Variants in KLF17 observed in about 807,000 individuals in gnomAD.
KLF17 encodes the protein Krueppel-like factor 17.
Under a neutral mutation model 34.2 loss-of-function variants are expected in KLF17, and 31 were observed. The ratio of observed to expected loss-of-function variants is 0.91; its 90% CI spans 0.68 to 1.22. The LOEUF (loss-of-function observed/expected upper bound fraction) is 1.22, where lower values mean the gene tolerates loss of function less well. Ranked by LOEUF, KLF17 falls within the 50% of genes most tolerant of loss-of-function variation. The probability of loss-of-function intolerance (pLI) is 0.00; values close to 1 mark genes in which losing one functional copy is unlikely to be tolerated. For synonymous variants in KLF17, 179 were observed against 186.7 expected (o/e 0.96, Z 0.34); for missense variants, 478 against 505.2 (o/e 0.95, Z 0.52).
At chr1:44,077,281 G>T in the KLF17 span, among the ~76,000 whole-genome samples, 2 of 151,936 alleles carry the variant, frequency 1.3e-5, no homozygotes, top group African/African-American at 4.8e-5. Context: ...AGAGGCGGAG[G>T]TTGCAGTGAG....
the KLF17 span, among the ~76,000 whole-genome samples, chr1:44,097,356 T>C: frequency 3.3e-5 from 5 of 152,326 alleles, no homozygotes; most frequent in South Asian, 8.3e-4. Flanking sequence ...GGGCTCTTTT[T>C]TGGTTCCATA....
Position 44,130,661 on chromosome 1 carries a change from A to C in KLF17, c.1075A>C (p.Lys359Gln), listed in dbSNP as rs772796419. The change falls in exon 3 of 4, where the codon AAG becomes CAG. Residue 359 changes from lysine to glutamine, a missense_variant. Lys to Gln is a moderately conservative substitution (Grantham distance 53). Coordinates refer to ENST00000372299, the MANE Select transcript of KLF17 (RefSeq NM_173484.4). ...GGAGTTCATGAGGTCTGACCATCTC[A>C]AGCAACACCAGAAGACTCATCGGCC... The part of the protein sequence containing the change: ...SREFMRSDHL[K>Q]QHQKTHRPGP... 5 of 1,613,794 alleles carry C rather than the reference A, an allele frequency of 3.1e-6. No homozygotes were observed. The highest frequency in any genetic ancestry group is 1.3e-5 in the African/African-American group (1 of 74,912).
the KLF17 span, among the ~76,000 whole-genome samples, chr1:44,082,939 CTTTTT>C: frequency 2.3e-5 from 3 of 129,646 alleles, no homozygotes; most frequent in Non-Finnish European, 1.6e-5. Flanking sequence ...TGTCTTTAAA[CTTTTT>C]TTTTTTTTTT....
At chr1:44,046,528 T>TACACAC in the KLF17 span, among the ~76,000 whole-genome samples, 27 of 85,124 alleles carry the variant, frequency 3.2e-4, 1 homozygote, top group Middle Eastern at 9.0e-3. Context: ...ACCTAAGCAC[T>TACACAC]ACACACACAC....
chr1:44,105,835 A>G, the KLF17 span, among the ~76,000 whole-genome samples: 1 of 152,212 alleles, frequency 6.6e-6, no homozygotes, highest in East Asian at 1.9e-4. Context: ...ACGGAACCCC[A>G]CTTTGGCCAG....
the KLF17 span, chr1:44,076,121 A>T: frequency 6.6e-6 from 1 of 152,218 alleles, no homozygotes; most frequent in African/African-American, 2.4e-5. Context: ...ACCTGTCTAC[A>T]TTCAGATTTA....
the KLF17 span, among the ~76,000 whole-genome samples, chr1:44,111,397 T>C: frequency 6.6e-6 from 1 of 152,028 alleles, no homozygotes; most frequent in Non-Finnish European, 1.5e-5. Flanking sequence ...AAACAATTTC[T>C]ACTATTTTGC....
At chr1:44,059,397 AC>A in the KLF17 span, among the ~76,000 whole-genome samples, 1 of 152,208 alleles carries the variant, frequency 6.6e-6, no homozygotes, top group East Asian at 1.9e-4. Flanking sequence ...TTTCCTCATT[AC>A]CCTGATCCAG....
upstream of KLF17, chr1:44,115,631 T>C (rs756072614): frequency 6.6e-6 from 1 of 152,166 alleles, no homozygotes; most frequent in Non-Finnish European, 1.5e-5. Context: ...CCTTTATACT[T>C]GTTAATGGTT....
chr1:44,113,325 T>G, the KLF17 span, among the ~76,000 whole-genome samples: 3 of 152,146 alleles, frequency 2.0e-5, no homozygotes, highest in Non-Finnish European at 4.4e-5. Context: ...CAGAACAGAA[T>G]GTACATATGT....
the KLF17 span, among the ~76,000 whole-genome samples, chr1:44,047,181 A>C: frequency 1.3e-5 from 2 of 152,226 alleles, no homozygotes; most frequent in African/African-American, 4.8e-5. Context: ...AAGAAGAAGT[A>C]ATGTTGTATT....
chr1:44,118,516 G>A (rs947305384), upstream of KLF17, among the ~76,000 whole-genome samples: 3 of 152,232 alleles, frequency 2.0e-5, no homozygotes, highest in Admixed American at 2.0e-4. Context: ...CTCCAGCCTC[G>A]CCTCTCTCTC....
chr1:44,113,783 C>G, the KLF17 span: 2 of 152,196 alleles, frequency 1.3e-5, no homozygotes, highest in African/African-American at 4.8e-5. Context: ...TGTTATAATG[C>G]CTGGTGCTTG....
chr1:44,091,924 A>T, the KLF17 span, among the ~76,000 whole-genome samples: 1 of 146,752 alleles, frequency 6.8e-6, no homozygotes, highest in Non-Finnish European at 1.5e-5. Flanking sequence ...AAAAAAAAAA[A>T]AAACCCAAAA....
chr1:44,092,129 G>T, the KLF17 span, among the ~76,000 whole-genome samples: 2 of 151,518 alleles, frequency 1.3e-5, no homozygotes, highest in South Asian at 2.1e-4. Context: ...GATCACCTGA[G>T]GTCGGGGGTT....
chr1:44,118,797 A>T, upstream of KLF17: 1 of 785,030 alleles, frequency 1.3e-6, no homozygotes. Context: ...AGCTGTAAAT[A>T]GGTAAATAGA....
the KLF17 span, among the ~76,000 whole-genome samples, chr1:44,110,033 A>G: frequency 4.7e-5 from 7 of 149,864 alleles, no homozygotes; most frequent in Admixed American, 6.7e-5. Context: ...CAGCCTCTTC[A>G]GTAGTTGGGA....
chr1:44,126,228 T>C (rs953644514), intron 1 of KLF17, among the ~76,000 whole-genome samples: 4 of 152,076 alleles, frequency 2.6e-5, no homozygotes, highest in Non-Finnish European at 5.9e-5. Flanking sequence ...GGTCTCACCA[T>C]GTTAGCTGGG....
At chr1:44,061,936 T>G in the KLF17 span, among the ~76,000 whole-genome samples, 1 of 152,124 alleles carries the variant, frequency 6.6e-6, no homozygotes, top group South Asian at 2.1e-4. Context: ...GGTATAAATA[T>G]AACTGCAGAA....
Sources: gnomAD v4.1 joint callset for allele counts (sites outside exome capture counted in the v4.1 genomes callset) on GRCh38, gnomAD v4.1.1 for gene constraint, MANE v1.5 for transcripts, NCBI Gene and HGNC (gene_info 2026-07-23, HGNC 2026-07-21) for gene names.